WDPCP: variants seen among roughly 807,000 people sequenced by gnomAD.
WDPCP encodes WD repeat containing planar cell polarity effector.
WDPCP carries 71 observed loss-of-function variants against 93.1 expected under a neutral mutation model. The ratio of observed to expected loss-of-function variants is 0.76; its 90% CI spans 0.63 to 0.93. WDPCP has a LOEUF of 0.93. Among genes scored for constraint, WDPCP ranks in the 40% least tolerant of loss-of-function variants. WDPCP has a pLI of 0.00. For synonymous variants in WDPCP, 315 were observed against 315.0 expected (o/e 1.00, Z 0.00); for missense variants, 844 against 887.4 (o/e 0.95, Z 0.62).
At chr2:63,269,358 T>C (rs1682432723) in intron 13 of WDPCP, among the ~76,000 whole-genome samples, 1 of 152,188 alleles carries the variant, frequency 6.6e-6, no homozygotes, top group East Asian at 1.9e-4. Flanking sequence ...GAAATTGGCT[T>C]CCACTCAACA....
chr2:63,169,542 T>C (rs1211339397), intron 15 of WDPCP, among the ~76,000 whole-genome samples: 1 of 152,230 alleles, frequency 6.6e-6, no homozygotes. Flanking sequence ...ATGATTAATT[T>C]AAAAAATGTT....
chr2:63,707,661 T>C (rs1334688213), intron 2 of WDPCP, among the ~76,000 whole-genome samples: 1 of 152,252 alleles, frequency 6.6e-6, no homozygotes. Context: ...TTTGTTCCGT[T>C]GCTGGTGAGG....
At chr2:63,682,467 T>C (rs1460085128) in intron 2 of WDPCP, among the ~76,000 whole-genome samples, 3 of 151,872 alleles carry the variant, frequency 2.0e-5, no homozygotes, top group Non-Finnish European at 4.4e-5. Flanking sequence ...GAAGATGGGT[T>C]ATTTGAAAAT....
chr2:63,638,046 T>C (rs759025572), intron 3 of WDPCP, among the ~76,000 whole-genome samples: 3 of 152,232 alleles, frequency 2.0e-5, no homozygotes, highest in African/African-American at 7.2e-5. Context: ...AAATGTGTTA[T>C]GTATGTACAA....
At position 63,404,588 on chromosome 2, in the gene WDPCP, C is replaced by G; in HGVS notation, c.895G>C (p.Val299Leu). ...VRFGTKQPYQ[V>L]FTVEHSVSVD... ...CTTACGGAGTGCTCCACTGTGAACACCTGATAAGGCTGTTTGGTGCCAAAG... is the reference window on the plus strand; with the variant it reads ...CTTACGGAGTGCTCCACTGTGAACAGCTGATAAGGCTGTTTGGTGCCAAAG... Residue 299 changes from valine (V) to leucine (L), a missense_variant, in exon 10 of 18, where the codon GTG becomes CTG. By Grantham distance (32) the Val-to-Leu change is conservative. Transcript: ENST00000272321. 6.2e-7 allele frequency: 1 copy of G among 1,614,048 alleles called. No homozygotes were observed. Among genetic ancestry groups the G allele is most frequent in the Non-Finnish European group, 8.5e-7 (1 of 1,179,968 alleles).
chr2:63,708,145 C>T (rs949491783), intron 2 of WDPCP, among the ~76,000 whole-genome samples: 48 of 152,236 alleles, frequency 3.2e-4, no homozygotes. Flanking sequence ...CCACTACTCT[C>T]TTCAAAGCTG....
intron 12 of WDPCP, among the ~76,000 whole-genome samples, chr2:63,364,071 C>A (rs1392115029): frequency 1.3e-5 from 2 of 152,172 alleles, no homozygotes; most frequent in Admixed American, 6.5e-5. Flanking sequence ...TACTCAATTT[C>A]TTTTCTAATC....
intron 12 of WDPCP, among the ~76,000 whole-genome samples, chr2:63,318,204 A>G (rs1490348555): frequency 6.6e-6 from 1 of 152,184 alleles, no homozygotes; most frequent in African/African-American, 2.4e-5. Context: ...GTGAATCAAA[A>G]CCACAATGAG....
At chr2:63,437,260 G>A (rs1697196389) in intron 8 of WDPCP, among the ~76,000 whole-genome samples, 161 bp downstream of exon 8, 2 of 151,940 alleles carry the variant, frequency 1.3e-5, no homozygotes, top group Non-Finnish European at 1.5e-5. Context: ...AGAAAACTTA[G>A]GATGGCCACT....
chr2:63,200,982 G>T (rs1056118161), intron 14 of WDPCP, among the ~76,000 whole-genome samples: 88 of 152,078 alleles, frequency 5.8e-4, no homozygotes, highest in Non-Finnish European at 2.8e-4. Context: ...AAATGATATG[G>T]TTTGGGTCTG....
At chr2:63,767,081 T>C (rs1055569203) in intron 2 of WDPCP, among the ~76,000 whole-genome samples, 1 of 152,176 alleles carries the variant, frequency 6.6e-6, no homozygotes, top group Non-Finnish European at 1.5e-5. Flanking sequence ...TAGAATTTCA[T>C]ACAAATGGAG....
intron 14 of WDPCP, among the ~76,000 whole-genome samples, chr2:63,177,075 G>A (rs1411095222): frequency 6.6e-6 from 1 of 152,110 alleles, no homozygotes; most frequent in East Asian, 1.9e-4. Flanking sequence ...ATGGTTAATG[G>A]TTTATATCTG....
chr2:63,614,159 C>T (rs1470074673), intron 3 of WDPCP, among the ~76,000 whole-genome samples: 1 of 152,134 alleles, frequency 6.6e-6, no homozygotes, highest in Admixed American at 6.6e-5. Flanking sequence ...TCCTGAAAAT[C>T]ATTTACTACC....
intron 7 of WDPCP, 198 bp from the exon 8 acceptor site, chr2:63,437,752 T>C (rs1697234529): frequency 2.5e-6 from 3 of 1,205,490 alleles, no homozygotes; most frequent in Admixed American, 2.8e-5. Flanking sequence ...TCATATGTGA[T>C]TTTTTTTCCT....
In WDPCP at chr2:63,446,407, A is replaced by G. The variant is rs186967890; in HGVS notation, c.385-6536T>C. Among the ~76,000 whole-genome samples, 1,153 of 152,362 alleles carry G rather than the reference A, an allele frequency of 7.6e-3. 6 individuals are homozygous for G. The highest frequency in any genetic ancestry group is 0.012 in the Non-Finnish European group (821 of 68,032). On this transcript the variant is annotated intron_variant, in intron 6 of 17. Coordinates refer to ENST00000272321, the MANE Select transcript of WDPCP (RefSeq NM_015910.7). Reference sequence around the variant, plus strand: ...GGAGACATGACATCTGGCAACGTCTAGAGACACTGCAGCTGTCACCACCTT... The same window carrying G: ...GGAGACATGACATCTGGCAACGTCTGGAGACACTGCAGCTGTCACCACCTT...
chr2:63,709,473 G>A (rs889675952), intron 2 of WDPCP, among the ~76,000 whole-genome samples: 2 of 152,128 alleles, frequency 1.3e-5, no homozygotes, highest in Middle Eastern at 3.4e-3. Context: ...ATTGGATTAC[G>A]CTATGAAAAA....
chr2:63,219,606 C>T (rs1011690028), intron 14 of WDPCP, among the ~76,000 whole-genome samples: 6 of 152,140 alleles, frequency 3.9e-5, no homozygotes, highest in Non-Finnish European at 8.8e-5. Context: ...GGTTATTTAT[C>T]TTGCTTCCAA....
At chr2:63,144,055 C>G (rs575913387) in intron 17 of WDPCP, among the ~76,000 whole-genome samples, 3 of 152,160 alleles carry the variant, frequency 2.0e-5, no homozygotes, top group Non-Finnish European at 4.4e-5. Flanking sequence ...TTAGAATTCT[C>G]TTCTTCCTCA....
At chr2:63,462,872 G>A (rs891705004) in intron 6 of WDPCP, among the ~76,000 whole-genome samples, 1 of 152,080 alleles carries the variant, frequency 6.6e-6, no homozygotes, top group Non-Finnish European at 1.5e-5. Context: ...GACCAAAGAG[G>A]GGTCTCTGCG....
Sources: gnomAD v4.1 joint callset for allele counts (sites outside exome capture counted in the v4.1 genomes callset) on GRCh38, gnomAD v4.1.1 for gene constraint, MANE v1.5 for transcripts, NCBI Gene and HGNC (gene_info 2026-07-23, HGNC 2026-07-21) for gene names.